The following SIK3 variants were observed in gnomAD, a reference collection of about 807,000 sequenced individuals.
The protein encoded by SIK3 is serine/threonine-protein kinase SIK3.
A neutral mutation model predicts 144.2 loss-of-function variants in SIK3; 28 were observed. The observed-to-expected ratio is 0.19, with a 90% CI of 0.14 to 0.27. The LOEUF is 0.27. Among genes scored for constraint, SIK3 ranks in the 10% least tolerant of loss-of-function variants. SIK3 has a pLI of 1.00. For synonymous variants in SIK3, 686 were observed against 676.3 expected (o/e 1.01, Z -0.22); for missense variants, 1,319 against 1,776.0 (o/e 0.74, Z 4.62).
At chr11:116,931,770 TCAAA>T (rs1233613888) in intron 3 of SIK3, among the ~76,000 whole-genome samples, 4 of 152,214 alleles carry the variant, frequency 2.6e-5, no homozygotes, top group Non-Finnish European at 4.4e-5. Flanking sequence ...TTCCTGTTTA[TCAAA>T]CAAACGCTTC....
intron 1 of SIK3, among the ~76,000 whole-genome samples, chr11:117,055,939 C>A (rs1351344080): frequency 2.0e-5 from 3 of 152,186 alleles, no homozygotes; most frequent in African/African-American, 7.2e-5. Context: ...CCAGTGCCCT[C>A]CCAGCCTCCA....
chr11:116,914,192 T>C (rs1946491029), intron 4 of SIK3, among the ~76,000 whole-genome samples: 1 of 148,846 alleles, frequency 6.7e-6, no homozygotes, highest in Admixed American at 6.7e-5. Context: ...GGGAATAAAG[T>C]ACTCCCCTTC....
chr11:116,898,903 T>C (rs1435253907), intron 4 of SIK3, among the ~76,000 whole-genome samples: 3 of 146,892 alleles, frequency 2.0e-5, no homozygotes, highest in Non-Finnish European at 4.5e-5. Context: ...TGCGAAAATT[T>C]TCTCCCATTT....
intron 1 of SIK3, among the ~76,000 whole-genome samples, chr11:117,095,078 C>T (rs750219285): frequency 1.9e-4 from 29 of 150,548 alleles, no homozygotes; most frequent in Non-Finnish European, 3.5e-4. Context: ...TGAGAGTTAA[C>T]AGAATTTGGG....
At chr11:116,900,930 T>C (rs1945706112) in intron 4 of SIK3, among the ~76,000 whole-genome samples, 1 of 151,936 alleles carries the variant, frequency 6.6e-6, no homozygotes, top group African/African-American at 2.4e-5. Context: ...AGTGGTGCGA[T>C]CTTGGCTCAC....
At chr11:116,850,628 T>G (rs1332974462) in intron 21 of SIK3, among the ~76,000 whole-genome samples, 1 of 152,238 alleles carries the variant, frequency 6.6e-6, no homozygotes, top group African/African-American at 2.4e-5. Flanking sequence ...TATAAATTCT[T>G]TGCAGGCAAG....
intron 1 of SIK3, among the ~76,000 whole-genome samples, chr11:117,018,580 T>C (rs1489461244): frequency 6.6e-6 from 1 of 152,126 alleles, no homozygotes; most frequent in Admixed American, 6.5e-5. Flanking sequence ...ACCAGCCTAA[T>C]TAACTGCAGT....
intron 1 of SIK3, among the ~76,000 whole-genome samples, chr11:117,088,383 T>C (rs1955106704): frequency 6.6e-6 from 1 of 152,248 alleles, no homozygotes; most frequent in Non-Finnish European, 1.5e-5. Context: ...GAAATCTCCT[T>C]ACTCGGAGAT....
At chr11:117,012,254 A>G (rs1313892201) in intron 1 of SIK3, among the ~76,000 whole-genome samples, 1 of 152,146 alleles carries the variant, frequency 6.6e-6, no homozygotes, top group Non-Finnish European at 1.5e-5. Context: ...GATTATAGGC[A>G]TGAGCCACCA....
chr11:117,097,745 C>T (rs917218388), intron 1 of SIK3, among the ~76,000 whole-genome samples: 9 of 152,268 alleles, frequency 5.9e-5, no homozygotes, highest in Non-Finnish European at 5.9e-5. Context: ...TCCGGGTCCA[C>T]ATTTCATATG....
At position 116,843,435 on chromosome 11, in the gene SIK3, T is replaced by C. The variant is rs1043310435; in HGVS notation, c.*2208A>G. 1 of 152,136 alleles carries C rather than the reference T, an allele frequency of 6.6e-6. No homozygotes were observed. The highest frequency in any genetic ancestry group is 6.5e-5 in the Admixed American group (1 of 15,282). 9.4% of individuals were successfully genotyped at this position (152,136 alleles called of 1,614,324 possible). A position where few individuals can be genotyped will look rare whatever the true frequency, so the allele number is the denominator to read the frequency against. On this transcript the variant is annotated 3_prime_UTR_variant, in exon 25 of 25. Transcript: ENST00000445177. ...TTGAGTCTGGAGATTTTTTTTTTAATCCTTTTTAGTTCAACATAAAATGAG... is the reference window on the plus strand; with the variant it reads ...TTGAGTCTGGAGATTTTTTTTTTAACCCTTTTTAGTTCAACATAAAATGAG...
chr11:116,964,935 T>C (rs1349294325), intron 1 of SIK3, among the ~76,000 whole-genome samples: 2 of 152,198 alleles, frequency 1.3e-5, no homozygotes, highest in Admixed American at 6.5e-5. Context: ...TAGTGCTTTT[T>C]AGGTGAGTGG....
In SIK3 at chr11:116,912,511, T is replaced by C. The variant is rs189193208; in HGVS notation, c.616+14708A>G. On this transcript the variant is annotated intron_variant, in intron 4 of 24. Coordinates refer to ENST00000445177, the MANE Select transcript of SIK3 (RefSeq NM_001366686.3). ...CAGATGTAAACAGATTAGGCACAAC[T>C]TTCCAGCCAGTACTAGTGTTCTCAG... Among the ~76,000 whole-genome samples the C allele has an allele frequency of 2.1e-3, 316 of 152,288 alleles. 3 individuals carry two copies. The highest frequency in any genetic ancestry group is 7.1e-3 in the African/African-American group (294 of 41,564).
At chr11:116,916,620 C>T (rs2135016534) in intron 4 of SIK3, among the ~76,000 whole-genome samples, 2 of 151,304 alleles carry the variant, frequency 1.3e-5, no homozygotes, top group South Asian at 4.2e-4. Flanking sequence ...ACGCCATTCT[C>T]CTGCCTCAGC....
chr11:117,092,656 A>G (rs752203087), intron 1 of SIK3, among the ~76,000 whole-genome samples: 29 of 152,204 alleles, frequency 1.9e-4, no homozygotes, highest in Non-Finnish European at 2.9e-4. Flanking sequence ...TTTTCATTCA[A>G]TAAATGTGTT....
At chr11:116,855,248 G>C (rs1444506296) in intron 21 of SIK3, 1 of 152,192 alleles carries the variant, frequency 6.6e-6, no homozygotes, top group African/African-American at 2.4e-5. Flanking sequence ...AATTCCTTGA[G>C]ACAGTCTCAC....
intron 1 of SIK3, among the ~76,000 whole-genome samples, chr11:117,057,011 T>C (rs995677604): frequency 2.6e-5 from 4 of 152,264 alleles, no homozygotes; most frequent in African/African-American, 9.6e-5. Context: ...TTAGAGATAA[T>C]TGTAGAGTCA....
intron 2 of SIK3, among the ~76,000 whole-genome samples, chr11:116,955,998 T>C (rs995224939): frequency 1.3e-5 from 2 of 152,234 alleles, no homozygotes; most frequent in African/African-American, 4.8e-5. Context: ...CATGGTCCTA[T>C]GTCTGGGCCA....
chr11:116,958,899 A>C (rs1030717585), intron 1 of SIK3, among the ~76,000 whole-genome samples: 3 of 152,322 alleles, frequency 2.0e-5, no homozygotes, highest in East Asian at 1.9e-4. Context: ...ACAACAACAA[A>C]AAAAATCATG....
Sources: allele counts gnomAD v4.1 joint callset (sites outside exome capture counted in the v4.1 genomes callset), GRCh38; gene constraint gnomAD v4.1.1; transcripts MANE v1.5; gene names NCBI Gene and HGNC (gene_info 2026-07-23, HGNC 2026-07-21).